Variants in SGK3 observed in about 807,000 individuals in gnomAD.
The protein encoded by SGK3 is serum/glucocorticoid regulated kinase family member 3.
In SGK3, 47 loss-of-function variants were observed where a neutral mutation model predicts 68.5. That is an observed-to-expected ratio of 0.69 (90% confidence interval 0.54 to 0.87). SGK3 has a LOEUF of 0.87. SGK3 is among the 40% of genes least tolerant of loss of function. The probability of loss-of-function intolerance (pLI) is 0.00; values close to 1 mark genes in which losing one functional copy is unlikely to be tolerated. For synonymous variants in SGK3, 181 were observed against 189.1 expected (o/e 0.96, Z 0.35); for missense variants, 479 against 575.5 (o/e 0.83, Z 1.72).
chr8:66,767,908 T>C, intron 1 of SGK3: 1 of 1,169,822 alleles, frequency 8.5e-7, no homozygotes, highest in Non-Finnish European at 1.3e-6. Flanking sequence ...ATCTAAGGCT[T>C]TGATTGAAGG....
chr8:66,713,454 C>CA (rs1180336284), intron 1 of SGK3, among the ~76,000 whole-genome samples: 1 of 152,198 alleles, frequency 6.6e-6, no homozygotes, highest in Non-Finnish European at 1.5e-5. Context: ...AAAACGCTTT[C>CA]ATTGAGTTGT....
At chr8:66,839,315 C>G (rs1007712728) in intron 10 of SGK3, among the ~76,000 whole-genome samples, 1 of 150,658 alleles carries the variant, frequency 6.6e-6, no homozygotes, top group African/African-American at 2.4e-5. Flanking sequence ...AGTCCAACTG[C>G]TGTTTAGCTG....
intron 7 of SGK3, among the ~76,000 whole-genome samples, chr8:66,830,991 A>G (rs1218769933): frequency 6.6e-6 from 1 of 152,184 alleles, no homozygotes; most frequent in African/African-American, 2.4e-5. Context: ...TCTCCCAAAG[A>G]GAGTATTATT....
At chr8:66,783,886 G>A (rs985872532) in intron 1 of SGK3, among the ~76,000 whole-genome samples, 9 of 151,720 alleles carry the variant, frequency 5.9e-5, no homozygotes, top group Admixed American at 2.6e-4. Context: ...TTTTGTTGTC[G>A]TTGTTTGTTT....
At chr8:66,778,860 A>G (rs573825178) in intron 1 of SGK3, among the ~76,000 whole-genome samples, 2 of 152,286 alleles carry the variant, frequency 1.3e-5, no homozygotes, top group African/African-American at 4.8e-5. Context: ...TAAATTCAGG[A>G]AACCATCAGG....
intron 1 of SGK3, chr8:66,790,577 C>T (rs1183346981): frequency 6.6e-6 from 1 of 152,168 alleles, no homozygotes; most frequent in Non-Finnish European, 1.5e-5. Flanking sequence ...AGACATCAAA[C>T]CCTGGGCTTG....
chr8:66,786,888 T>A (rs1807221003), intron 1 of SGK3, among the ~76,000 whole-genome samples: 1 of 145,472 alleles, frequency 6.9e-6, no homozygotes, highest in African/African-American at 2.5e-5. Flanking sequence ...CAGTCTTCCC[T>A]GTTAGGTAAG....
chr8:66,782,605 G>C (rs374647699), intron 1 of SGK3, among the ~76,000 whole-genome samples: 1 of 152,290 alleles, frequency 6.6e-6, no homozygotes, highest in South Asian at 2.1e-4. Context: ...TATTTTCACT[G>C]CCTTAAAAAT....
At chr8:66,799,970 G>A (rs773565105) in intron 3 of SGK3, among the ~76,000 whole-genome samples, 2 of 152,116 alleles carry the variant, frequency 1.3e-5, no homozygotes, top group Admixed American at 6.6e-5. Flanking sequence ...ATAGTAAATA[G>A]GGATCTCCCA....
At chr8:66,794,332 C>T (rs1360390974) in intron 2 of SGK3, among the ~76,000 whole-genome samples, 2 of 152,096 alleles carry the variant, frequency 1.3e-5, no homozygotes, top group Non-Finnish European at 2.9e-5. Flanking sequence ...AAAGAGTAAG[C>T]ACAATGAATA....
At chr8:66,850,982 G>A (rs955835394) in intron 16 of SGK3, 62 bp downstream of exon 16, 40 of 1,485,808 alleles carry the variant, frequency 2.7e-5, no homozygotes, top group Middle Eastern at 4.2e-4. Flanking sequence ...TTCATTGTAA[G>A]TTTGAAACTA....
At chr8:66,771,743 T>G (rs569411392) in intron 1 of SGK3, among the ~76,000 whole-genome samples, 4 of 152,138 alleles carry the variant, frequency 2.6e-5, no homozygotes, top group African/African-American at 9.7e-5. Flanking sequence ...TTAAGGAAAG[T>G]TGAAAATAAT....
At chr8:66,836,098 A>C (rs1336866014) in intron 10 of SGK3, 24 bp downstream of exon 10, 1 of 1,599,584 alleles carries the variant, frequency 6.3e-7, no homozygotes, top group Admixed American at 1.8e-5. Context: ...TGAGTTTTCT[A>C]ATGTTAATAG....
At chr8:66,731,131 A>G (rs1056016885) in intron 1 of SGK3, among the ~76,000 whole-genome samples, 1 of 152,212 alleles carries the variant, frequency 6.6e-6, no homozygotes, top group Admixed American at 6.5e-5. Flanking sequence ...TTGTCAGAGA[A>G]CACACTTTGT....
At chr8:66,713,930 G>A (rs1192266768) in intron 1 of SGK3, among the ~76,000 whole-genome samples, 1 of 152,142 alleles carries the variant, frequency 6.6e-6, no homozygotes, top group African/African-American at 2.4e-5. Context: ...TTTCCCTGGG[G>A]TAAGGGAGCC....
At chr8:66,825,992 T>C (rs1412849646) in intron 6 of SGK3, among the ~76,000 whole-genome samples, 2 of 152,100 alleles carry the variant, frequency 1.3e-5, no homozygotes, top group African/African-American at 4.8e-5. Context: ...CTTTTTTTTT[T>C]GAGATGGAAT....
At chr8:66,801,122 G>A (rs962422041) in intron 3 of SGK3, among the ~76,000 whole-genome samples, 1 of 152,144 alleles carries the variant, frequency 6.6e-6, no homozygotes, top group Non-Finnish European at 1.5e-5. Flanking sequence ...GAAATACTTG[G>A]AACCAGAAGT....
rs1808476573 is a variant in SGK3, at chr8:66,813,860, T to G, written c.261T>G (p.Ile87Met). 1 of 1,572,052 alleles carries G rather than the reference T, an allele frequency of 6.4e-7. No individual in the cohort carries two copies. Residue 87 changes from isoleucine to methionine, a missense_variant, in exon 5 of 17, where the codon ATT becomes ATG. Transcript: ENST00000521198. ...TTTATATCTCTCTTCCAGATTTTAT[T>G]AAACAAAGACGAGCAGGACTAAACG... ...IFGDNFDPDF[I>M]KQRRAGLNEF...
Position 66,839,498 on chromosome 8 carries a change from GATATAT to G in SGK3, c.742-450_742-445del, listed in dbSNP as rs58832541. On this transcript the variant is annotated intron_variant, in intron 10 of 16. Transcript: ENST00000521198. Reference sequence around the variant, plus strand: ...GGCTCAAGTAAATTATATGTATGGAGATATATATATATATATATATATATATATATA... The same window carrying G: ...GGCTCAAGTAAATTATATGTATGGAGATATATATATATATATATATATATA... Among the ~76,000 whole-genome samples the G allele has an allele frequency of 4.5e-3, 187 of 41,462 alleles. 1 individual carries two copies. Among genetic ancestry groups the G allele is most frequent in the Non-Finnish European group, 5.1e-3 (119 of 23,274 alleles). The allele number at this position is 41,462 out of a possible 152,430, so 27.2% of individuals were successfully genotyped here.
Sources: allele counts gnomAD v4.1 joint callset (sites outside exome capture counted in the v4.1 genomes callset), GRCh38; gene constraint gnomAD v4.1.1; transcripts MANE v1.5; gene names NCBI Gene and HGNC (gene_info 2026-07-23, HGNC 2026-07-21).